BAG3: variants seen among roughly 807,000 people sequenced by gnomAD.
BAG3 encodes the protein BAG cochaperone 3, also known as BAG family molecular chaperone regulator 3.
In BAG3, 14 loss-of-function variants were observed where a neutral mutation model predicts 40.5. The observed-to-expected ratio is 0.35, with a 90% CI of 0.23 to 0.54. The LOEUF (loss-of-function observed/expected upper bound fraction) is 0.54. Ranked by LOEUF, BAG3 falls within the 20% of genes least tolerant of loss-of-function variation. The pLI is 0.91. For synonymous variants in BAG3, 302 were observed against 307.8 expected (o/e 0.98, Z 0.20); for missense variants, 788 against 758.6 (o/e 1.04, Z -0.46).
At chr10:119,662,964 G>A (rs893569483) in intron 1 of BAG3, among the ~76,000 whole-genome samples, 5 of 152,166 alleles carry the variant, frequency 3.3e-5, no homozygotes, top group Non-Finnish European at 7.3e-5. Context: ...GCAATGAGCC[G>A]AGATCGCGCC....
At position 119,677,671 on chromosome 10, in the gene BAG3, T is replaced by G. The variant is rs1379301381; in HGVS notation, c.*389T>G. ...AACATTTATCAGAAATGTTGCCATT[T>G]TAATGAGATGATTTTCTTCATCTCA... On this transcript the variant is annotated 3_prime_UTR_variant, in exon 4 of 4. Coordinates refer to ENST00000369085, the MANE Select transcript of BAG3 (RefSeq NM_004281.4). The G allele has an allele frequency of 3.9e-6, 1 of 258,458 alleles. No individual in the cohort carries two copies. Among genetic ancestry groups the G allele is most frequent in the Non-Finnish European group, 7.5e-6 (1 of 132,866 alleles). The allele number at this position is 258,458 out of a possible 1,614,324, so 16.0% of individuals were successfully genotyped here. A position where few individuals can be genotyped will look rare whatever the true frequency, so the allele number is the denominator to read the frequency against.
chr10:119,653,642 T>C (rs891709609), intron 1 of BAG3, among the ~76,000 whole-genome samples: 1 of 152,254 alleles, frequency 6.6e-6, no homozygotes, highest in African/African-American at 2.4e-5. Context: ...AGAAGTCTGA[T>C]GCTGGGAAGA....
intron 1 of BAG3, among the ~76,000 whole-genome samples, chr10:119,666,565 C>T (rs61870076): frequency 0.028 from 523 of 18,392 alleles, 2 homozygotes; most frequent in Non-Finnish European, 0.045. Flanking sequence ...GCGAGATGCA[C>T]GAGGTGCTCA....
intron 3 of BAG3, among the ~76,000 whole-genome samples, chr10:119,675,878 CCCCTTCCTTCCTTCCTT>C (rs1847222843): frequency 4.8e-5 from 1 of 20,662 alleles, no homozygotes; most frequent in Non-Finnish European, 1.0e-4. Context: ...GCCCCCTTCT[CCCCTTCCTTCCTTCCTT>C]CCTTCCCCCC....
chr10:119,675,780 C>CTTCCCTCCTTCCCTCCTT (rs1418469097), intron 3 of BAG3, among the ~76,000 whole-genome samples: 10 of 65,660 alleles, frequency 1.5e-4, no homozygotes, highest in Non-Finnish European at 2.3e-4. Flanking sequence ...TCCTTCCCTC[C>CTTCCCTCCTTCCCTCCTT]CCCTCCCTTC....
chr10:119,665,141 T>TTTTTTTCC (rs770421648), intron 1 of BAG3, among the ~76,000 whole-genome samples: 1 of 85,894 alleles, frequency 1.2e-5, no homozygotes, highest in African/African-American at 4.5e-5. Context: ...TATATATATA[T>TTTTTTTCC]ATATTTTTTT....
chr10:119,664,885 G>A lies in BAG3; in HGVS notation c.181-4966G>A, dbSNP rs1847037282. ...TGAAAACACCATAGAAGAGAGAAAG[G>A]GCAATTTAACTCTTCCAGGTGGTGT... On this transcript the variant is annotated intron_variant, in intron 1 of 3. Coordinates refer to ENST00000369085, the MANE Select transcript of BAG3 (RefSeq NM_004281.4). 2.0e-5 allele frequency among the ~76,000 whole-genome samples: 3 copies of A among 152,140 alleles called. No homozygotes were observed. The South Asian group carries it at 6.2e-4, about 32-fold the overall frequency.
intron 1 of BAG3, among the ~76,000 whole-genome samples, chr10:119,658,140 TA>T (rs1846939348): frequency 6.6e-6 from 1 of 152,276 alleles, no homozygotes; most frequent in African/African-American, 2.4e-5. Context: ...TAGAATTATA[TA>T]TTTTTTTCAG....
rs956429406 is a variant in BAG3, at chr10:119,651,682, G to A, written c.7G>A (p.Ala3Thr). 6.3e-7 allele frequency: 1 copy of A among 1,579,556 alleles called. No homozygotes were observed. Among genetic ancestry groups the A allele is most frequent in the Non-Finnish European group, 8.6e-7 (1 of 1,164,304 alleles). ...GGGCAGACCCCAACCCAGCATGAGCGCCGCCACCCACTCGCCCATGATGCA... is the reference window on the plus strand; with the variant it reads ...GGGCAGACCCCAACCCAGCATGAGCACCGCCACCCACTCGCCCATGATGCA... MS[A>T]ATHSPMMQVA... Residue 3 changes from alanine (A) to threonine (T), a missense_variant, in exon 1 of 4, where the codon GCC becomes ACC. Ala to Thr is a moderately conservative substitution (Grantham distance 58). Coordinates refer to ENST00000369085, the MANE Select transcript of BAG3 (RefSeq NM_004281.4).
intron 1 of BAG3, among the ~76,000 whole-genome samples, chr10:119,668,948 G>T (rs1564773126): frequency 6.6e-6 from 1 of 152,176 alleles, no homozygotes; most frequent in Non-Finnish European, 1.5e-5. Context: ...GAGCAGTGTG[G>T]ATGGAAAATT....
At chr10:119,676,294 C>G (rs1847233112) in intron 3 of BAG3, among the ~76,000 whole-genome samples, 170 bp from the exon 4 acceptor site, 1 of 151,966 alleles carries the variant, frequency 6.6e-6, no homozygotes, top group Non-Finnish European at 1.5e-5. Flanking sequence ...ATGATTAATA[C>G]CATGTTTTTA....
chr10:119,663,648 G>T (rs993983127), intron 1 of BAG3, among the ~76,000 whole-genome samples: 1 of 152,076 alleles, frequency 6.6e-6, no homozygotes, highest in African/African-American at 2.4e-5. Context: ...ACTTTGGGGT[G>T]CTCTGAGTTC....
chr10:119,669,555 C>T (rs1160035989), intron 1 of BAG3, among the ~76,000 whole-genome samples: 1 of 152,228 alleles, frequency 6.6e-6, no homozygotes. Flanking sequence ...CTCACCGCTT[C>T]CCTCAGTCAC....
At chr10:119,655,819 C>T (rs1317526102) in intron 1 of BAG3, among the ~76,000 whole-genome samples, 1 of 152,114 alleles carries the variant, frequency 6.6e-6, no homozygotes, top group African/African-American at 2.4e-5. Context: ...CCTCCGAGAA[C>T]ATCATTTGTC....
Position 119,669,961 on chromosome 10 carries a change from T to G in BAG3, c.291T>G (p.Pro97=). ...TCCGACCAGGCTACATTCCCATTCC[T>G]GTGCTCCATGAAGGCGCTGAGAACC... ...PQLRPGYIPI[P]VLHEGAENRQ... The change falls in exon 2 of 4, where the codon CCT becomes CCG. Residue 97 remains proline, a synonymous_variant. Coordinates refer to ENST00000369085, the MANE Select transcript of BAG3 (RefSeq NM_004281.4). The G allele has an allele frequency of 6.2e-7, 1 of 1,614,240 alleles. No individual in the cohort carries two copies. Among genetic ancestry groups the G allele is most frequent in the Admixed American group, 1.7e-5 (1 of 60,032 alleles).
intron 3 of BAG3, among the ~76,000 whole-genome samples, chr10:119,673,124 A>T (rs1369424838): frequency 6.6e-6 from 1 of 151,980 alleles, no homozygotes; most frequent in Non-Finnish European, 1.5e-5. Flanking sequence ...CGCTCCCTGA[A>T]ATGCCCGCAC....
chr10:119,659,910 G>A lies in BAG3; in HGVS notation c.180+8055G>A, dbSNP rs572369013. ...TGACTTTGGCTTGATTAAAGCAGGT[G>A]GCTCCGCTCTTTTTTTTTTCCCCTG... On this transcript the variant is annotated intron_variant, in intron 1 of 3. Coordinates refer to ENST00000369085, the MANE Select transcript of BAG3 (RefSeq NM_004281.4). Among the ~76,000 whole-genome samples, 65 of 152,218 alleles carry A rather than the reference G, an allele frequency of 4.3e-4. 1 individual carries two copies. The highest frequency in any genetic ancestry group is 1.6e-3 in the African/African-American group (65 of 41,528).
intron 1 of BAG3, among the ~76,000 whole-genome samples, chr10:119,665,144 A>ATATAT (rs1229780180): frequency 2.3e-5 from 2 of 88,790 alleles, no homozygotes; most frequent in African/African-American, 8.9e-5. Context: ...ATATATATAT[A>ATATAT]TTTTTTTTTT....
At chr10:119,668,086 T>C (rs145834273) in intron 1 of BAG3, among the ~76,000 whole-genome samples, 1,778 of 152,322 alleles carry the variant, frequency 0.012, 32 homozygotes, top group African/African-American at 0.041. Context: ...GCTAATGTAA[T>C]GCCGCCGCCC....
Sources: gnomAD v4.1 joint callset for allele counts (sites outside exome capture counted in the v4.1 genomes callset) on GRCh38, gnomAD v4.1.1 for gene constraint, MANE v1.5 for transcripts, NCBI Gene and HGNC (gene_info 2026-07-23, HGNC 2026-07-21) for gene names.